The following RBMS3 variants were observed in gnomAD, a reference collection of about 807,000 sequenced individuals.
The protein encoded by RBMS3 is RNA binding motif single stranded interacting protein 3, also known as RNA-binding motif, single-stranded-interacting protein 3.
RBMS3 carries 27 observed loss-of-function variants against 66.8 expected under a neutral mutation model. The ratio of observed to expected loss-of-function variants is 0.40; its 90% confidence interval spans 0.30 to 0.56. The LOEUF (loss-of-function observed/expected upper bound fraction) is 0.56, where lower values mean the gene tolerates loss of function less well. Ranked by LOEUF, RBMS3 falls within the 20% of genes least tolerant of loss-of-function variation. The probability of loss-of-function intolerance (pLI) is 0.40; values close to 1 mark genes in which losing one functional copy is unlikely to be tolerated. For synonymous variants in RBMS3, 188 were observed against 183.0 expected, an observed-to-expected ratio of 1.03 and a Z score of -0.22; for missense variants, 513 against 549.5, an observed-to-expected ratio of 0.93 and a Z score of 0.66.
At chr3:29,945,574 C>T (rs905912190) in intron 12 of RBMS3, among the ~76,000 whole-genome samples, 3 of 151,650 alleles carry the variant, frequency 2.0e-5, no homozygotes, top group African/African-American at 7.3e-5. Flanking sequence ...GACTATATTT[C>T]ATACATGGTA....
chr3:29,472,278 A>G (rs950162895), intron 2 of RBMS3, among the ~76,000 whole-genome samples: 1 of 150,996 alleles, frequency 6.6e-6, no homozygotes, highest in African/African-American at 2.4e-5. Flanking sequence ...GCTCACTGCA[A>G]CCTCCACTTC....
In RBMS3 at chr3:29,466,299, C is replaced by T. The variant is rs527917151; in HGVS notation, c.249-22142C>T. Among the ~76,000 whole-genome samples the T allele has an allele frequency of 1.2e-3, 178 of 152,062 alleles. 3 individuals are homozygous for T. The highest frequency in any genetic ancestry group is 8.7e-3 in the South Asian group (42 of 4,820). On this transcript the variant is annotated intron_variant, in intron 2 of 14. Coordinates refer to ENST00000383767, the MANE Select transcript of RBMS3 (RefSeq NM_001003793.3). ...GCACATACCTGGAAGTTGGTGATTT[C>T]GCTATGAAAAGCAGGGTTCAGCCTC...
At chr3:29,711,626 G>C (rs1412976088) in intron 4 of RBMS3, among the ~76,000 whole-genome samples, 1 of 152,136 alleles carries the variant, frequency 6.6e-6, no homozygotes, top group Non-Finnish European at 1.5e-5. Flanking sequence ...ACTAACCCAG[G>C]ATCTCAGAAT....
At chr3:29,731,060 C>T in intron 4 of RBMS3, 1 of 979,756 alleles carries the variant, frequency 1.0e-6, no homozygotes, top group Middle Eastern at 5.2e-4. Context: ...GAATCATTCA[C>T]TGCCTAACTC....
chr3:29,688,429 C>G (rs1214294836), intron 4 of RBMS3, among the ~76,000 whole-genome samples: 3 of 152,124 alleles, frequency 2.0e-5, no homozygotes, highest in African/African-American at 7.2e-5. Context: ...CTAAAGACTT[C>G]ATACACTCTC....
chr3:29,855,496 T>A (rs925007024), intron 6 of RBMS3, among the ~76,000 whole-genome samples: 4 of 152,302 alleles, frequency 2.6e-5, no homozygotes, highest in Admixed American at 2.6e-4. Context: ...GGTAAAAAAA[T>A]GAATATGCTG....
intron 2 of RBMS3, among the ~76,000 whole-genome samples, chr3:29,451,505 T>A (rs563597043): frequency 3.5e-4 from 53 of 152,302 alleles, no homozygotes; most frequent in African/African-American, 1.2e-3. Context: ...CCCTAATATA[T>A]AATTAAGCAA....
At chr3:29,286,526 G>A (rs1410872373) in intron 1 of RBMS3, among the ~76,000 whole-genome samples, 1 of 151,980 alleles carries the variant, frequency 6.6e-6, no homozygotes, top group Non-Finnish European at 1.5e-5. Flanking sequence ...TCTTTCTAAA[G>A]CATTTTCCTT....
At chr3:29,623,090 GAA>G (rs1482444310) in intron 4 of RBMS3, among the ~76,000 whole-genome samples, 7 of 124,294 alleles carry the variant, frequency 5.6e-5, no homozygotes. Flanking sequence ...CAGCCTGGGA[GAA>G]AGACTCCCTC....
intron 10 of RBMS3, among the ~76,000 whole-genome samples, chr3:29,915,583 AT>A (rs1232329542): frequency 4.6e-5 from 7 of 151,960 alleles, no homozygotes; most frequent in African/African-American, 1.7e-4. Context: ...TACAAATTGG[AT>A]TGTGGCTCAA....
chr3:29,395,586 C>T (rs781125978), intron 1 of RBMS3, among the ~76,000 whole-genome samples: 1 of 152,172 alleles, frequency 6.6e-6, no homozygotes, highest in Non-Finnish European at 1.5e-5. Flanking sequence ...CATTTGATAA[C>T]ACCTTATATC....
At position 30,008,574 on chromosome 3, in the gene RBMS3, G is replaced by C. The variant is rs57338380; in HGVS notation, c.*4712G>C. 6.6e-6 allele frequency: 1 copy of C among 151,812 alleles called. No homozygotes were observed. The highest frequency in any genetic ancestry group is 2.4e-5 in the African/African-American group (1 of 41,320). 9.4% of individuals were successfully genotyped at this position (151,812 alleles called of 1,614,324 possible). A position where few individuals can be genotyped will look rare whatever the true frequency, so the allele number is the denominator to read the frequency against. On this transcript the variant is annotated 3_prime_UTR_variant, in exon 15 of 15. Transcript: ENST00000383767. ...TAGCTGGCATGCTTCAAAATTTTGA[G>C]CTTACTGGGACTGACAGCCTCTCAC...
chr3:29,613,893 A>G (rs1047846272), intron 4 of RBMS3, among the ~76,000 whole-genome samples: 4 of 152,162 alleles, frequency 2.6e-5, no homozygotes, highest in African/African-American at 4.8e-5. Flanking sequence ...GTAAATTAGT[A>G]CAATCTTTAT....
At chr3:29,287,048 C>A (rs1260954294) in intron 1 of RBMS3, among the ~76,000 whole-genome samples, 1 of 152,022 alleles carries the variant, frequency 6.6e-6, no homozygotes, top group Admixed American at 6.6e-5. Context: ...AGCAAGAGTG[C>A]AGATGGAACT....
At chr3:29,775,269 T>A (rs561446071) in intron 6 of RBMS3, among the ~76,000 whole-genome samples, 157 of 150,764 alleles carry the variant, frequency 1.0e-3, no homozygotes, top group South Asian at 3.3e-3. Flanking sequence ...TTATTTATTT[T>A]TTTTTTTTGG....
At chr3:29,415,016 T>C (rs1443786294) in intron 1 of RBMS3, among the ~76,000 whole-genome samples, 2 of 152,246 alleles carry the variant, frequency 1.3e-5, no homozygotes, top group Admixed American at 6.5e-5. Context: ...ATATGGCTGA[T>C]AAATGCTGAG....
intron 4 of RBMS3, among the ~76,000 whole-genome samples, chr3:29,704,699 A>T (rs74608647): frequency 0.01 from 1,535 of 152,316 alleles, 33 homozygotes; most frequent in African/African-American, 0.036. Context: ...TTATTTTTAA[A>T]TGTTGATACT....
chr3:29,587,318 G>T lies in RBMS3; in HGVS notation c.399+113G>T. The T allele has an allele frequency of 9.7e-6, 5 of 513,482 alleles. No homozygotes were observed. In the South Asian group the frequency reaches 1.5e-4, roughly 16 times the overall value. The allele number at this position is 513,482 out of a possible 1,614,324, so 31.8% of individuals were successfully genotyped here. A position where few individuals can be genotyped will look rare whatever the true frequency, so the allele number is the denominator to read the frequency against. ...AGATCAGGAGGAAGGAAGAAGGAGA[G>T]ATTAAATATTTCTCCTTTGCTCTGA... On this transcript the variant is annotated intron_variant, in intron 4 of 14. Coordinates refer to ENST00000383767, the MANE Select transcript of RBMS3 (RefSeq NM_001003793.3).
chr3:29,708,146 T>A (rs1358811801), intron 4 of RBMS3, among the ~76,000 whole-genome samples: 1 of 152,190 alleles, frequency 6.6e-6, no homozygotes, highest in Non-Finnish European at 1.5e-5. Context: ...ATTTAACACT[T>A]GACACTCTCA....
Sources: allele counts gnomAD v4.1 joint callset (sites outside exome capture counted in the v4.1 genomes callset), GRCh38; gene constraint gnomAD v4.1.1; transcripts MANE v1.5; gene names NCBI Gene and HGNC (gene_info 2026-07-23, HGNC 2026-07-21).